The following EDARADD variants were observed in gnomAD, a reference collection of about 807,000 sequenced individuals.
The protein encoded by EDARADD is EDAR associated via death domain.
Under a neutral mutation model 25.6 loss-of-function variants are expected in EDARADD, and 20 were observed. The observed-to-expected ratio is 0.78, with a 90% CI of 0.55 to 1.14. The LOEUF is 1.14. Ranked by LOEUF, EDARADD falls within the 50% of genes most tolerant of loss-of-function variation. The probability of loss-of-function intolerance (pLI) is 0.00; values close to 1 mark genes in which losing one functional copy is unlikely to be tolerated. For missense variants in EDARADD, 225 were observed against 270.1 expected (o/e 0.83, Z 1.17); for synonymous variants, 86 against 94.4 (o/e 0.91, Z 0.52).
At chr1:236,367,032 C>A (rs557589319) in intron 3 of EDARADD, among the ~76,000 whole-genome samples, 1 of 139,122 alleles carries the variant, frequency 7.2e-6, no homozygotes, top group Admixed American at 7.6e-5. Flanking sequence ...TGCAGTGAGC[C>A]GAGATTGTAC....
intron 4 of EDARADD, among the ~76,000 whole-genome samples, chr1:236,446,982 A>T (rs1558127227): frequency 6.6e-6 from 1 of 152,214 alleles, no homozygotes; most frequent in Non-Finnish European, 1.5e-5. Context: ...GACCTCTGTC[A>T]TCAGGAGCTG....
intron 4 of EDARADD, among the ~76,000 whole-genome samples, chr1:236,464,208 T>C (rs1327251746): frequency 6.6e-6 from 1 of 151,906 alleles, no homozygotes; most frequent in Admixed American, 6.6e-5. Context: ...CACCAAATCT[T>C]GTCTTCACTT....
At chr1:236,446,993 A>T (rs907859689) in intron 4 of EDARADD, among the ~76,000 whole-genome samples, 2 of 152,196 alleles carry the variant, frequency 1.3e-5, no homozygotes, top group African/African-American at 4.8e-5. Context: ...TCAGGAGCTG[A>T]CAGCCAATGG....
At chr1:236,405,306 G>A (rs1002908729) in intron 1 of EDARADD, among the ~76,000 whole-genome samples, 2 of 152,134 alleles carry the variant, frequency 1.3e-5, no homozygotes, top group Admixed American at 1.3e-4. Flanking sequence ...ATAAACCTGT[G>A]ATGTCTTCTG....
At chr1:236,377,511 C>T (rs1667236896) in intron 3 of EDARADD, among the ~76,000 whole-genome samples, 1 of 150,708 alleles carries the variant, frequency 6.6e-6, no homozygotes, top group South Asian at 2.1e-4. Flanking sequence ...ATAATTCCAA[C>T]ATTCCTGCCA....
At chr1:236,388,673 T>C (rs544949134) in intron 3 of EDARADD, among the ~76,000 whole-genome samples, 43 of 152,304 alleles carry the variant, frequency 2.8e-4, no homozygotes, top group African/African-American at 9.9e-4. Flanking sequence ...CCGCACCCAG[T>C]TGGATATTGT....
intron 3 of EDARADD, among the ~76,000 whole-genome samples, chr1:236,359,417 A>G (rs1348931386): frequency 6.6e-6 from 1 of 152,230 alleles, no homozygotes; most frequent in Non-Finnish European, 1.5e-5. Context: ...ACCTTCCGCC[A>G]TGTGAGGACA....
intron 3 of EDARADD, among the ~76,000 whole-genome samples, chr1:236,382,275 A>G (rs1667311238): frequency 6.6e-6 from 1 of 152,108 alleles, no homozygotes; most frequent in Admixed American, 6.6e-5. Context: ...ATCTGCCATT[A>G]ATTCCATCCA....
chr1:236,476,595 G>A (rs928034835), intron 5 of EDARADD, among the ~76,000 whole-genome samples: 2 of 151,598 alleles, frequency 1.3e-5, no homozygotes, highest in Non-Finnish European at 2.9e-5. Context: ...GCACGATCTC[G>A]GTTCACTGCA....
At chr1:236,438,588 G>C (rs548676218) in intron 4 of EDARADD, among the ~76,000 whole-genome samples, 1 of 152,320 alleles carries the variant, frequency 6.6e-6, no homozygotes, top group African/African-American at 2.4e-5. Flanking sequence ...TCCGAGGGCT[G>C]ATTGTCTAGT....
At chr1:236,478,772 G>C (rs561366020) in intron 5 of EDARADD, among the ~76,000 whole-genome samples, 1 of 152,106 alleles carries the variant, frequency 6.6e-6, no homozygotes, top group East Asian at 1.9e-4. Context: ...ATTTTTAGTA[G>C]AGACTGGGTT....
intron 3 of EDARADD, among the ~76,000 whole-genome samples, chr1:236,363,480 G>A (rs1667078610): frequency 6.6e-6 from 1 of 151,672 alleles, no homozygotes; most frequent in Non-Finnish European, 1.5e-5. Context: ...ACTTTGGGAG[G>A]CCAAGGCAGG....
Position 236,431,927 on chromosome 1 carries a change from CAAAAAAAAAA to C in EDARADD, c.219+4493_219+4502del, listed in dbSNP as rs1170622280. Among the ~76,000 whole-genome samples the C allele has an allele frequency of 6.1e-4, 11 of 17,996 alleles. 1 individual carries two copies. Among genetic ancestry groups the C allele is most frequent in the East Asian group, 1.4e-3 (1 of 724 alleles). The allele number at this position is 17,996 out of a possible 152,430, so 11.8% of individuals were successfully genotyped here. A position where few individuals can be genotyped will look rare whatever the true frequency, so the allele number is the denominator to read the frequency against. ...TGGGCGACAGAGCGAGACTCCGTCT[CAAAAAAAAAA>C]AAAAAAAAAAAAAAAGACCCCAGGC... On this transcript the variant is annotated intron_variant, in intron 4 of 5. Transcript: ENST00000334232.
intron 1 of EDARADD, among the ~76,000 whole-genome samples, chr1:236,396,037 G>A (rs111520042): frequency 0.015 from 2,262 of 152,280 alleles, 39 homozygotes; most frequent in Middle Eastern, 0.048. Context: ...TCGCCTCCCG[G>A]GCTTTTTCTT....
At chr1:236,476,885 G>A (rs933446229) in intron 5 of EDARADD, among the ~76,000 whole-genome samples, 3 of 151,820 alleles carry the variant, frequency 2.0e-5, no homozygotes, top group Admixed American at 6.6e-5. Flanking sequence ...CCAGCTACTC[G>A]GGAGGCTGAG....
At chr1:236,420,776 C>G (rs1368186943) in intron 3 of EDARADD, among the ~76,000 whole-genome samples, 1 of 151,918 alleles carries the variant, frequency 6.6e-6, no homozygotes, top group Non-Finnish European at 1.5e-5. Flanking sequence ...GAGTCTCGCT[C>G]TGTCACCTAG....
At chr1:236,479,129 T>C (rs969005677) in intron 5 of EDARADD, among the ~76,000 whole-genome samples, 1 of 152,048 alleles carries the variant, frequency 6.6e-6, no homozygotes, top group Non-Finnish European at 1.5e-5. Context: ...CTTACTCATG[T>C]AACCAAATAC....
At position 236,467,032 on chromosome 1, in the gene EDARADD, C is replaced by G. The variant is rs371987610; in HGVS notation, c.220-1199C>G. 1.8e-4 allele frequency among the ~76,000 whole-genome samples: 28 copies of G among 152,056 alleles called. No homozygotes were observed. The East Asian group carries it at 2.7e-3, about 15-fold the overall frequency. On this transcript the variant is annotated intron_variant, in intron 4 of 5. Transcript: ENST00000334232. ...AGTGAGCCGAGATTGTGCCACTGCA[C>G]TCCAGCCTGGGCGACAGAGCAAGAC...
At chr1:236,474,962 G>A (rs976609477) in intron 5 of EDARADD, among the ~76,000 whole-genome samples, 2 of 152,042 alleles carry the variant, frequency 1.3e-5, no homozygotes, top group Admixed American at 6.6e-5. Context: ...GTGAAACCTC[G>A]TCTCTATTAA....
Sources: allele counts gnomAD v4.1 joint callset (sites outside exome capture counted in the v4.1 genomes callset), GRCh38; gene constraint gnomAD v4.1.1; transcripts MANE v1.5; gene names NCBI Gene and HGNC (gene_info 2026-07-23, HGNC 2026-07-21).